The following ADAMTSL1 variants were observed in gnomAD, a reference collection of about 807,000 sequenced individuals.
ADAMTSL1 encodes ADAMTS like 1, also known as ADAMTS-like protein 1.
ADAMTSL1 carries 126 observed loss-of-function variants against 201.8 expected under a neutral mutation model. That is an observed-to-expected ratio of 0.62 (90% CI 0.54 to 0.72). The LOEUF (loss-of-function observed/expected upper bound fraction) is 0.72. Among genes scored for constraint, ADAMTSL1 ranks in the 30% least tolerant of loss-of-function variants. ADAMTSL1 has a pLI of 0.00. For synonymous variants in ADAMTSL1, 1,121 were observed against 903.4 expected, an observed-to-expected ratio of 1.24 and a Z score of -4.32; for missense variants, 2,679 against 2,277.8, an observed-to-expected ratio of 1.18 and a Z score of -3.59.
chr9:18,745,802 C>G (rs1342626446), intron 15 of ADAMTSL1, among the ~76,000 whole-genome samples: 1 of 152,172 alleles, frequency 6.6e-6, no homozygotes, highest in Non-Finnish European at 1.5e-5. Context: ...ATATTTGTAA[C>G]TCTCTCCTCT....
chr9:18,425,504 C>T (rs752199901), intron 2 of ADAMTSL1, among the ~76,000 whole-genome samples: 1 of 152,150 alleles, frequency 6.6e-6, no homozygotes, highest in Non-Finnish European at 1.5e-5. Flanking sequence ...ATGTCCGAAA[C>T]TCTGGTTAAG....
chr9:18,167,503 CATTA>C (rs1328831966), intron 2 of ADAMTSL1, among the ~76,000 whole-genome samples: 2 of 151,802 alleles, frequency 1.3e-5, no homozygotes, highest in African/African-American at 4.8e-5. Context: ...TAGGGCAAGT[CATTA>C]ATTTGCTGAA....
intron 23 of ADAMTSL1, among the ~76,000 whole-genome samples, chr9:18,841,740 T>A (rs1825729693): frequency 6.6e-6 from 1 of 152,218 alleles, no homozygotes; most frequent in South Asian, 2.1e-4. Flanking sequence ...ATTCAGAGAT[T>A]CAACTTCTTC....
chr9:18,005,392 C>T (rs1054893718), intron 1 of ADAMTSL1, among the ~76,000 whole-genome samples: 3 of 151,976 alleles, frequency 2.0e-5, no homozygotes, highest in African/African-American at 7.2e-5. Context: ...AATACATTAT[C>T]ATATTTAATT....
intron 2 of ADAMTSL1, among the ~76,000 whole-genome samples, chr9:18,217,427 A>T (rs1387426770): frequency 6.6e-6 from 1 of 151,796 alleles, no homozygotes; most frequent in Non-Finnish European, 1.5e-5. Flanking sequence ...CCCCAGCTTT[A>T]TTCCTCCCTT....
intron 2 of ADAMTSL1, among the ~76,000 whole-genome samples, chr9:18,443,457 A>G (rs1237492538): frequency 1.3e-5 from 2 of 152,228 alleles, no homozygotes; most frequent in Non-Finnish European, 2.9e-5. Context: ...GCAGTAGATT[A>G]AAAGGCAAAG....
chr9:18,806,653 C>T (rs1480398007), intron 20 of ADAMTSL1, among the ~76,000 whole-genome samples: 1 of 152,138 alleles, frequency 6.6e-6, no homozygotes, highest in Non-Finnish European at 1.5e-5. Flanking sequence ...CAGATTTTTT[C>T]CCACTGAATT....
intron 2 of ADAMTSL1, among the ~76,000 whole-genome samples, chr9:18,359,086 T>C (rs1836384865): frequency 6.6e-6 from 1 of 152,186 alleles, no homozygotes; most frequent in African/African-American, 2.4e-5. Flanking sequence ...GTAATTTAGG[T>C]AAAGTTAACT....
chr9:18,362,960 ACTCTT>A (rs1563913619), intron 2 of ADAMTSL1, among the ~76,000 whole-genome samples: 1 of 152,208 alleles, frequency 6.6e-6, no homozygotes, highest in Non-Finnish European at 1.5e-5. Context: ...TGACATTTCA[ACTCTT>A]ATTCCAAAAA....
chr9:18,751,493 T>C (rs1394522093), intron 15 of ADAMTSL1, among the ~76,000 whole-genome samples: 1 of 152,334 alleles, frequency 6.6e-6, no homozygotes, highest in East Asian at 1.9e-4. Context: ...TATCTCATAT[T>C]GTTCTGGAGG....
chr9:18,161,789 G>C (rs998551310), intron 1 of ADAMTSL1, among the ~76,000 whole-genome samples: 1 of 151,974 alleles, frequency 6.6e-6, no homozygotes, highest in Non-Finnish European at 1.5e-5. Flanking sequence ...GATAGGGGAA[G>C]AACTAACAGA....
At chr9:18,406,843 A>T (rs373456097) in intron 2 of ADAMTSL1, among the ~76,000 whole-genome samples, 2 of 152,188 alleles carry the variant, frequency 1.3e-5, no homozygotes, top group East Asian at 3.9e-4. Context: ...ACATTTAACA[A>T]ATGTGTGCTT....
intron 20 of ADAMTSL1, among the ~76,000 whole-genome samples, chr9:18,799,742 C>G (rs1028521773): frequency 6.6e-6 from 1 of 150,778 alleles, no homozygotes; most frequent in South Asian, 2.1e-4. Context: ...CCTTTCCTAG[C>G]ATGTTTTTTT....
At chr9:18,707,609 A>C (rs1832304134) in intron 14 of ADAMTSL1, among the ~76,000 whole-genome samples, 1 of 152,238 alleles carries the variant, frequency 6.6e-6, no homozygotes, top group Non-Finnish European at 1.5e-5. Context: ...GAATCAAAGA[A>C]ACAAAGTGAT....
At chr9:18,273,674 A>T (rs548348277) in intron 2 of ADAMTSL1, among the ~76,000 whole-genome samples, 92 of 152,268 alleles carry the variant, frequency 6.0e-4, no homozygotes, top group African/African-American at 2.1e-3. Flanking sequence ...TGGCAATTTT[A>T]TGTGTTGATC....
intron 1 of ADAMTSL1, among the ~76,000 whole-genome samples, chr9:18,050,896 C>A (rs918046589): frequency 7.2e-5 from 11 of 152,152 alleles, no homozygotes; most frequent in African/African-American, 2.4e-4. Flanking sequence ...GTGATACTAC[C>A]ATTGCATGTC....
chr9:18,521,123 A>G (rs1452933215), intron 2 of ADAMTSL1, among the ~76,000 whole-genome samples: 2 of 152,218 alleles, frequency 1.3e-5, no homozygotes. Flanking sequence ...AGCCTCAAAA[A>G]AGGACAAAGA....
rs568057432 is a variant in ADAMTSL1, at chr9:18,372,863, A to G, written c.208-131966A>G. 2.0e-5 allele frequency among the ~76,000 whole-genome samples: 3 copies of G among 152,330 alleles called. No individual in the cohort carries two copies. In the East Asian group the frequency reaches 5.8e-4, roughly 29 times the overall value. ...TAATAAAATAATAACCATAGCAAAA[A>G]TAACACTAAATGGGACAAAGCAACA... is the stretch of plus-strand genomic sequence containing the variant. On this transcript the variant is annotated intron_variant, in intron 2 of 29. Coordinates refer to the ADAMTSL1 transcript ENST00000680146.
At chr9:18,267,679 T>C (rs866821073) in intron 2 of ADAMTSL1, among the ~76,000 whole-genome samples, 1 of 151,492 alleles carries the variant, frequency 6.6e-6, no homozygotes, top group African/African-American at 2.4e-5. Context: ...TCACCTTTAA[T>C]AAGTATTTTT....
Sources: gnomAD v4.1 joint callset for allele counts (sites outside exome capture counted in the v4.1 genomes callset) on GRCh38, gnomAD v4.1.1 for gene constraint, MANE v1.5 for transcripts, NCBI Gene and HGNC (gene_info 2026-07-23, HGNC 2026-07-21) for gene names.